Variants in LINGO2 observed in about 807,000 individuals in gnomAD.
LINGO2 encodes leucine rich repeat and Ig domain containing 2, also known as leucine-rich repeat and immunoglobulin-like domain-containing nogo receptor-interacting protein 2.
LINGO2 carries 14 observed loss-of-function variants against 30.6 expected under a neutral mutation model. The observed-to-expected ratio is 0.46, with a 90% CI of 0.30 to 0.72. The LOEUF (loss-of-function observed/expected upper bound fraction) is 0.72, where lower values mean the gene tolerates loss of function less well. Ranked by LOEUF, LINGO2 falls within the 30% of genes least tolerant of loss-of-function variation. The pLI is 0.07. For missense variants in LINGO2, 729 were observed against 751.7 expected (o/e 0.97, Z 0.35); for synonymous variants, 317 against 288.5 (o/e 1.10, Z -1.00).
At chr9:28,893,738 T>C in the LINGO2 span, among the ~76,000 whole-genome samples, 1 of 146,882 alleles carries the variant, frequency 6.8e-6, no homozygotes, top group Non-Finnish European at 1.5e-5. Flanking sequence ...CACTTTTTTT[T>C]AATGGTTTGA....
chr9:28,849,458 A>G, the LINGO2 span, among the ~76,000 whole-genome samples: 1 of 151,962 alleles, frequency 6.6e-6, no homozygotes, highest in Non-Finnish European at 1.5e-5. Context: ...GATGAAGAAG[A>G]CTTTCTGTTT....
chr9:28,487,511 G>A (rs1274384393), intron 1 of LINGO2, among the ~76,000 whole-genome samples: 1 of 152,074 alleles, frequency 6.6e-6, no homozygotes, highest in East Asian at 1.9e-4. Context: ...CCACATTTAT[G>A]AGAGCCAATT....
chr9:28,861,270 TAATA>T, the LINGO2 span, among the ~76,000 whole-genome samples: 1 of 122,972 alleles, frequency 8.1e-6, no homozygotes, highest in Admixed American at 1.1e-4. Flanking sequence ...ATAAAATATA[TAATA>T]TTTATATATT....
At chr9:28,838,167 A>T in the LINGO2 span, among the ~76,000 whole-genome samples, 1 of 152,274 alleles carries the variant, frequency 6.6e-6, no homozygotes, top group South Asian at 2.1e-4. Flanking sequence ...CCAAGTGCAC[A>T]GTGACATTTT....
intron 5 of LINGO2, among the ~76,000 whole-genome samples, chr9:27,962,698 C>A (rs1357280815): frequency 6.6e-6 from 1 of 152,138 alleles, no homozygotes; most frequent in South Asian, 2.1e-4. Context: ...AGAAGGCAAA[C>A]TGCTGGCTCC....
intron 2 of LINGO2, among the ~76,000 whole-genome samples, chr9:28,471,895 T>C (rs189073166): frequency 1.3e-5 from 2 of 152,274 alleles, no homozygotes; most frequent in Non-Finnish European, 2.9e-5. Context: ...AATTAAACTA[T>C]TGCCACACAT....
chr9:28,064,313 A>T (rs1825244104), intron 4 of LINGO2, among the ~76,000 whole-genome samples: 1 of 152,172 alleles, frequency 6.6e-6, no homozygotes, highest in Non-Finnish European at 1.5e-5. Flanking sequence ...AACCTGGGGC[A>T]GGAATCATCT....
At chr9:28,116,901 T>TCTC (rs1336923116) in intron 4 of LINGO2, among the ~76,000 whole-genome samples, 4 of 68,630 alleles carry the variant, frequency 5.8e-5, no homozygotes, top group Non-Finnish European at 9.4e-5. Context: ...TCTGAAGCCT[T>TCTC]CTCTCAGCTC....
intron 1 of LINGO2, among the ~76,000 whole-genome samples, chr9:28,498,426 C>T (rs551133489): frequency 7.0e-4 from 107 of 152,270 alleles, no homozygotes; most frequent in East Asian, 2.3e-3. Flanking sequence ...TAGCAATGAG[C>T]GAGCTTCTGT....
intron 4 of LINGO2, among the ~76,000 whole-genome samples, chr9:28,061,374 G>A (rs895790069): frequency 6.6e-6 from 1 of 151,448 alleles, no homozygotes; most frequent in African/African-American, 2.4e-5. Context: ...ACATAACTAC[G>A]CCTCAGTGGC....
the LINGO2 span, among the ~76,000 whole-genome samples, chr9:28,970,630 A>T: frequency 2.0e-5 from 3 of 152,146 alleles, no homozygotes; most frequent in African/African-American, 7.2e-5. Flanking sequence ...GTTAGAGCAG[A>T]AAAGAAAACT....
At chr9:28,539,872 T>G (rs977457973) in intron 1 of LINGO2, among the ~76,000 whole-genome samples, 1 of 152,146 alleles carries the variant, frequency 6.6e-6, no homozygotes, top group African/African-American at 2.4e-5. Context: ...AGCTGTAAAA[T>G]TAGTCTATGT....
intron 1 of LINGO2, among the ~76,000 whole-genome samples, chr9:28,521,608 G>A (rs565388867): frequency 5.3e-5 from 8 of 152,288 alleles, no homozygotes; most frequent in Admixed American, 5.2e-4. Flanking sequence ...AAACACTGAG[G>A]TTGTAGAAAG....
intron 4 of LINGO2, among the ~76,000 whole-genome samples, chr9:28,185,707 C>T (rs567829527): frequency 1.3e-5 from 2 of 152,044 alleles, no homozygotes; most frequent in Non-Finnish European, 1.5e-5. Context: ...TTCTTGGGCA[C>T]ATCTGAAATT....
intron 4 of LINGO2, among the ~76,000 whole-genome samples, chr9:28,156,484 T>G (rs1402780441): frequency 5.3e-5 from 8 of 152,212 alleles, no homozygotes; most frequent in Non-Finnish European, 4.4e-5. Context: ...TAATCCCAGT[T>G]TTGCAAATGA....
At chr9:28,106,578 T>A (rs565577138) in intron 4 of LINGO2, among the ~76,000 whole-genome samples, 1 of 152,244 alleles carries the variant, frequency 6.6e-6, no homozygotes, top group African/African-American at 2.4e-5. Context: ...TCAATTCACA[T>A]ACACATTCCA....
the LINGO2 span, among the ~76,000 whole-genome samples, chr9:28,751,979 C>A: frequency 6.6e-6 from 1 of 151,906 alleles, no homozygotes; most frequent in South Asian, 2.1e-4. Context: ...TCGTCCACAC[C>A]TTCAAACATT....
At chr9:28,675,012 T>G (rs1162497832), upstream of LINGO2, among the ~76,000 whole-genome samples, 1 of 152,174 alleles carries the variant, frequency 6.6e-6, no homozygotes, top group Non-Finnish European at 1.5e-5. Context: ...AATCTGCATC[T>G]TCTGTCATAT....
chr9:28,333,804 T>C (rs748015304), intron 3 of LINGO2, among the ~76,000 whole-genome samples: 1 of 152,150 alleles, frequency 6.6e-6, no homozygotes, highest in Non-Finnish European at 1.5e-5. Context: ...TTGCTCCAAA[T>C]GACTTAAAAA....
Sources: allele counts gnomAD v4.1 joint callset (sites outside exome capture counted in the v4.1 genomes callset), GRCh38; gene constraint gnomAD v4.1.1; transcripts MANE v1.5; gene names NCBI Gene and HGNC (gene_info 2026-07-23, HGNC 2026-07-21).